Variants in CACUL1 observed in about 807,000 individuals in gnomAD.
CACUL1 encodes CDK2 associated cullin domain 1.
CACUL1 carries 13 observed loss-of-function variants against 45.2 expected under a neutral mutation model. The ratio of observed to expected loss-of-function variants is 0.29; its 90% CI spans 0.19 to 0.46. CACUL1 has a LOEUF of 0.46. Among genes scored for constraint, CACUL1 ranks in the 20% least tolerant of loss-of-function variants. The pLI is 1.00. For synonymous variants in CACUL1, 197 were observed against 174.2 expected (o/e 1.13, Z -1.03); for missense variants, 421 against 471.4 (o/e 0.89, Z 0.99).
chr10:118,731,370 T>A (rs531561859), intron 1 of CACUL1, among the ~76,000 whole-genome samples: 1 of 152,354 alleles, frequency 6.6e-6, no homozygotes, highest in Admixed American at 6.5e-5. Context: ...CTTCCCAGTA[T>A]CTTTTTATCA....
chr10:118,753,429 C>G (rs1340284824), intron 1 of CACUL1, among the ~76,000 whole-genome samples: 4 of 152,192 alleles, frequency 2.6e-5, no homozygotes, highest in African/African-American at 9.7e-5. Context: ...GTTGCTTTAC[C>G]AGATGCCACT....
chr10:118,706,556 T>A (rs1429124015), intron 4 of CACUL1, among the ~76,000 whole-genome samples: 1 of 152,240 alleles, frequency 6.6e-6, no homozygotes, highest in Non-Finnish European at 1.5e-5. Flanking sequence ...ATTCCTAATG[T>A]CATCAACAAT....
intron 1 of CACUL1, among the ~76,000 whole-genome samples, chr10:118,733,327 A>G (rs1489239719): frequency 6.6e-6 from 1 of 152,094 alleles, no homozygotes; most frequent in Non-Finnish European, 1.5e-5. Context: ...CTATTTCCAC[A>G]CACAAAAAAA....
At chr10:118,720,237 G>A (rs1845587437) in intron 3 of CACUL1, among the ~76,000 whole-genome samples, 2 of 152,154 alleles carry the variant, frequency 1.3e-5, no homozygotes, top group South Asian at 2.1e-4. Context: ...GAAATAATCT[G>A]TAATCTAATA....
At chr10:118,751,881 T>G (rs772302192) in intron 1 of CACUL1, among the ~76,000 whole-genome samples, 2 of 152,224 alleles carry the variant, frequency 1.3e-5, no homozygotes, top group Non-Finnish European at 2.9e-5. Flanking sequence ...AAGTTTCCTT[T>G]TTAAAGGTCT....
intron 3 of CACUL1, among the ~76,000 whole-genome samples, chr10:118,727,956 A>G (rs1589614553): frequency 6.6e-6 from 1 of 152,240 alleles, no homozygotes; most frequent in East Asian, 1.9e-4. Flanking sequence ...GGGTTTCATC[A>G]ACAATTTATA....
chr10:118,739,183 C>T (rs909963807), intron 1 of CACUL1, among the ~76,000 whole-genome samples: 4 of 146,588 alleles, frequency 2.7e-5, no homozygotes, highest in Non-Finnish European at 5.9e-5. Context: ...GTGACAGAGA[C>T]TCCTCCGTCT....
rs539549693 is a variant in CACUL1, at chr10:118,706,698, T to C, written c.693+794A>G. On this transcript the variant is annotated intron_variant, in intron 4 of 8. Coordinates refer to ENST00000369151, the MANE Select transcript of CACUL1 (RefSeq NM_153810.5). ...GGCATTACATTGACTAGAAAACTCGTACTATTAAAATTGTTGTCAGTAACC... is the reference window on the plus strand; with the variant it reads ...GGCATTACATTGACTAGAAAACTCGCACTATTAAAATTGTTGTCAGTAACC... Among the ~76,000 whole-genome samples, 35 of 152,366 alleles carry C rather than the reference T, an allele frequency of 2.3e-4. No individual in the cohort carries two copies. The South Asian group carries it at 7.0e-3, about 31-fold the overall frequency.
chr10:118,730,638 T>A (rs1313945792), intron 1 of CACUL1, among the ~76,000 whole-genome samples: 1 of 152,218 alleles, frequency 6.6e-6, no homozygotes, highest in Non-Finnish European at 1.5e-5. Context: ...AACCTGTCCA[T>A]CTTTAAAAAT....
intron 1 of CACUL1, among the ~76,000 whole-genome samples, chr10:118,742,576 C>G (rs770726067): frequency 5.0e-4 from 76 of 152,266 alleles, no homozygotes; most frequent in Non-Finnish European, 9.3e-4. Flanking sequence ...CTCCTGTAAT[C>G]CCAGCAGAAA....
At chr10:118,686,751 C>A in intron 7 of CACUL1, 110 bp from the exon 8 acceptor site, 1 of 787,988 alleles carries the variant, frequency 1.3e-6, no homozygotes, top group South Asian at 1.5e-5. Context: ...TCTAACCAAA[C>A]CTATTTAAAA....
At chr10:118,740,125 C>CGGGACTGA (rs1845778868) in intron 1 of CACUL1, among the ~76,000 whole-genome samples, 1 of 150,236 alleles carries the variant, frequency 6.7e-6, no homozygotes. Context: ...CCAGCCTGGG[C>CGGGACTGA]GACAGAGCGG....
intron 1 of CACUL1, among the ~76,000 whole-genome samples, chr10:118,739,524 AT>A (rs538029700): frequency 3.2e-4 from 48 of 152,312 alleles, no homozygotes; most frequent in African/African-American, 1.2e-3. Flanking sequence ...TCCGTTAAGA[AT>A]TCTATACCCA....
chr10:118,702,861 C>T (rs1845396283), intron 4 of CACUL1, among the ~76,000 whole-genome samples: 1 of 152,114 alleles, frequency 6.6e-6, no homozygotes, highest in African/African-American at 2.4e-5. Flanking sequence ...GGATTACAGG[C>T]GTGAGCCACC....
chr10:118,687,476 T>C (rs185970969), intron 7 of CACUL1, among the ~76,000 whole-genome samples: 7 of 152,238 alleles, frequency 4.6e-5, no homozygotes, highest in Admixed American at 3.9e-4. Context: ...GGGCATTCTG[T>C]CCCAAAACCA....
intron 1 of CACUL1, among the ~76,000 whole-genome samples, chr10:118,752,053 T>A (rs1040833299): frequency 9.2e-5 from 14 of 152,196 alleles, no homozygotes; most frequent in Non-Finnish European, 1.0e-4. Context: ...AAACTCTTAC[T>A]AGTTCTAAGT....
chr10:118,687,031 C>T (rs1473467829), intron 7 of CACUL1, among the ~76,000 whole-genome samples: 1 of 152,192 alleles, frequency 6.6e-6, no homozygotes, highest in African/African-American at 2.4e-5. Context: ...CTTTCTTCCT[C>T]AGCATTTATA....
chr10:118,728,772 C>T (rs1845674379), intron 3 of CACUL1, among the ~76,000 whole-genome samples: 1 of 152,140 alleles, frequency 6.6e-6, no homozygotes, highest in Admixed American at 6.5e-5. Flanking sequence ...GGGGGAGGAT[C>T]AAGCTAAGTG....
intron 8 of CACUL1, among the ~76,000 whole-genome samples, chr10:118,686,383 C>CTAA (rs1030968059): frequency 6.6e-6 from 1 of 152,170 alleles, no homozygotes; most frequent in African/African-American, 2.4e-5. Context: ...CCAGTAGAAA[C>CTAA]TAAAGAACCT....
Sources: gnomAD v4.1 joint callset for allele counts (sites outside exome capture counted in the v4.1 genomes callset) on GRCh38, gnomAD v4.1.1 for gene constraint, MANE v1.5 for transcripts, NCBI Gene and HGNC (gene_info 2026-07-23, HGNC 2026-07-21) for gene names.